The following SRP72 variants were observed in gnomAD, a reference collection of about 807,000 sequenced individuals.
SRP72 encodes signal recognition particle subunit SRP72.
A neutral mutation model predicts 96.3 loss-of-function variants in SRP72; 49 were observed. That is an observed-to-expected ratio of 0.51 (90% CI 0.40 to 0.65). The LOEUF (loss-of-function observed/expected upper bound fraction) is 0.65, where lower values mean the gene tolerates loss of function less well. Among genes scored for constraint, SRP72 ranks in the 30% least tolerant of loss-of-function variants. The pLI is 0.00. For missense variants in SRP72, 736 were observed against 793.3 expected (o/e 0.93, Z 0.87); for synonymous variants, 267 against 275.2 (o/e 0.97, Z 0.30).
chr4:56,483,349 C>G (rs547751699), intron 9 of SRP72, 79 bp downstream of exon 9: 1 of 1,380,034 alleles, frequency 7.2e-7, no homozygotes, highest in Non-Finnish European at 9.9e-7. Context: ...TTAGTCTAAT[C>G]TTTTTATAGT....
chr4:56,473,232 G>GCC (rs1720049155), intron 3 of SRP72, among the ~76,000 whole-genome samples: 1 of 152,044 alleles, frequency 6.6e-6, no homozygotes, highest in Non-Finnish European at 1.5e-5. Flanking sequence ...GGCCAAGGCG[G>GCC]GCGGATCATG....
intron 17 of SRP72, among the ~76,000 whole-genome samples, chr4:56,497,348 T>C (rs990115418): frequency 2.0e-5 from 3 of 151,850 alleles, no homozygotes; most frequent in Non-Finnish European, 2.9e-5. Flanking sequence ...GCCTCCCAAG[T>C]AGCTGGGACT....
At chr4:56,484,715 T>G (rs6835590) in intron 9 of SRP72, 21 bp from the exon 10 acceptor site, 1 of 1,611,848 alleles carries the variant, frequency 6.2e-7, no homozygotes, top group South Asian at 1.1e-5. Context: ...ATTTTTCTTG[T>G]GGGGGTTGGA....
At chr4:56,498,722 AG>A (rs1467914339) in intron 17 of SRP72, among the ~76,000 whole-genome samples, 2 of 152,252 alleles carry the variant, frequency 1.3e-5, no homozygotes, top group Non-Finnish European at 2.9e-5. Context: ...AGGGATGTGA[AG>A]GACCTCTTCA....
Position 56,477,167 on chromosome 4 carries a change from A to G in SRP72, c.642+465A>G, listed in dbSNP as rs1325913132. On this transcript the variant is annotated intron_variant, in intron 6 of 18. Coordinates refer to ENST00000642900, the MANE Select transcript of SRP72 (RefSeq NM_006947.4). ...GTTTGTTTTTTACCAATCTCTTACC[A>G]TTTTTTGGCTCACAACTAATTAGAC... 7 of 151,850 alleles carry G rather than the reference A, an allele frequency of 4.6e-5. No homozygotes were observed. In the Admixed American group the frequency reaches 4.6e-4, roughly 10 times the overall value. 9.4% of individuals were successfully genotyped at this position (151,850 alleles called of 1,614,324 possible). A position where few individuals can be genotyped will look rare whatever the true frequency, so the allele number is the denominator to read the frequency against.
intron 17 of SRP72, among the ~76,000 whole-genome samples, chr4:56,497,037 T>G (rs912472636): frequency 1.3e-5 from 2 of 152,134 alleles, no homozygotes; most frequent in Non-Finnish European, 2.9e-5. Context: ...AACTTTTTTA[T>G]GTGTGTTTAT....
At chr4:56,492,931 G>C (rs1578194818) in intron 16 of SRP72, among the ~76,000 whole-genome samples, 1 of 152,176 alleles carries the variant, frequency 6.6e-6, no homozygotes, top group East Asian at 1.9e-4. Context: ...GCTCCAGTGA[G>C]CAGTGATTGC....
chr4:56,495,894 C>A (rs73167398), intron 17 of SRP72, among the ~76,000 whole-genome samples: 17,072 of 152,208 alleles, frequency 0.11, 1,246 homozygotes, highest in Admixed American at 0.23. Flanking sequence ...GTTCTGCTCT[C>A]CACAAAACAG....
At chr4:56,490,907 G>A (rs59312109) in intron 15 of SRP72, among the ~76,000 whole-genome samples, 124 of 152,344 alleles carry the variant, frequency 8.1e-4, no homozygotes, top group African/African-American at 2.9e-3. Flanking sequence ...TTCAAGATCA[G>A]CAGCAAGGTA....
Position 56,489,413 on chromosome 4 carries a change from G to A in SRP72, c.1250G>A (p.Ser417Asn). The A allele has an allele frequency of 6.2e-7, 1 of 1,600,374 alleles. No individual in the cohort carries two copies. Among genetic ancestry groups the A allele is most frequent in the Non-Finnish European group, 8.5e-7 (1 of 1,170,680 alleles). ...GTATCTGCATTAGTTACCATGTATA[G>A]CCATGAAGAAGATATTGATAGTGCC... ...GMVSALVTMY[S>N]HEEDIDSAIE... The change falls in exon 13 of 19, where the codon AGC becomes AAC. Residue 417 changes from serine (S) to asparagine (N), a missense_variant. By Grantham distance (46) the Ser-to-Asn change is conservative. Coordinates refer to ENST00000642900, the MANE Select transcript of SRP72 (RefSeq NM_006947.4).
Position 56,474,426 on chromosome 4 carries a change from C to T in SRP72, c.610+35C>T, listed in dbSNP as rs11610. The stretch of plus-strand genomic sequence containing the variant: ...TTGTTAAACTTATCTGTAAATATAA[C>T]GTGCATATAACTTTGTAGAGTATCT... On this transcript the variant is annotated intron_variant, in intron 5 of 18. Transcript: ENST00000642900. 462,968 of 1,564,784 alleles carry T rather than the reference C, an allele frequency of 0.3. 71,531 individuals are homozygous for T. The highest frequency in any genetic ancestry group is 0.5 in the Admixed American group (28,037 of 55,726).
In SRP72 at chr4:56,467,756, G is replaced by A. The variant is rs761576212; in HGVS notation, c.109+12G>A. On this transcript the variant is annotated intron_variant, in intron 1 of 18. Coordinates refer to ENST00000642900, the MANE Select transcript of SRP72 (RefSeq NM_006947.4). ...GACCGTCAATAAGAGTAAGTGTCGG[G>A]GTGGGCACTGGGGCGGGCCCAGGCC... The A allele has an allele frequency of 1.3e-6, 2 of 1,492,034 alleles. No homozygotes were observed. Among genetic ancestry groups the A allele is most frequent in the East Asian group, 2.7e-5 (1 of 36,468 alleles). The allele number at this position is 1,492,034 out of a possible 1,614,324, so 92.4% of individuals were successfully genotyped here.
intron 11 of SRP72, among the ~76,000 whole-genome samples, chr4:56,486,971 T>C (rs1052299980): frequency 2.6e-5 from 4 of 152,208 alleles, no homozygotes; most frequent in Non-Finnish European, 4.4e-5. Context: ...CACATACAGC[T>C]ATTTTAAGTT....
chr4:56,480,317 T>G (rs568892481), intron 8 of SRP72, among the ~76,000 whole-genome samples: 25 of 152,226 alleles, frequency 1.6e-4, no homozygotes, highest in Admixed American at 4.6e-4. Flanking sequence ...TGGAGTGCAG[T>G]GGCACAATCT....
chr4:56,498,400 A>G (rs923494817), intron 17 of SRP72, among the ~76,000 whole-genome samples: 3 of 152,196 alleles, frequency 2.0e-5, no homozygotes, highest in Non-Finnish European at 4.4e-5. Context: ...CTCCCATTCA[A>G]CATAATGTTG....
chr4:56,477,035 TC>T (rs1373552948), intron 6 of SRP72: 4 of 213,798 alleles, frequency 1.9e-5, no homozygotes, highest in Non-Finnish European at 2.7e-5. Context: ...GTGACATAAT[TC>T]AACATTCCCA....
intron 8 of SRP72, among the ~76,000 whole-genome samples, chr4:56,481,991 T>C (rs1190749113): frequency 6.6e-6 from 1 of 151,354 alleles, no homozygotes; most frequent in Non-Finnish European, 1.5e-5. Flanking sequence ...CCCGAACTCC[T>C]GGCCTCAGGT....
intron 1 of SRP72, among the ~76,000 whole-genome samples, chr4:56,469,065 G>T (rs1719863099): frequency 6.6e-6 from 1 of 152,092 alleles, no homozygotes; most frequent in South Asian, 2.1e-4. Flanking sequence ...TGGAAACGTT[G>T]CCAGCAAGAT....
intron 3 of SRP72, among the ~76,000 whole-genome samples, chr4:56,473,333 G>C (rs184440030): frequency 1.7e-4 from 26 of 151,970 alleles, no homozygotes; most frequent in Non-Finnish European, 3.1e-4. Context: ...GGTGGCGGGC[G>C]CCTGGTCCCA....
Sources: gnomAD v4.1 joint callset for allele counts (sites outside exome capture counted in the v4.1 genomes callset) on GRCh38, gnomAD v4.1.1 for gene constraint, MANE v1.5 for transcripts, NCBI Gene and HGNC (gene_info 2026-07-23, HGNC 2026-07-21) for gene names.